The following ANKFN1 variants were observed in gnomAD, a reference collection of about 807,000 sequenced individuals.
ANKFN1 encodes the protein ankyrin repeat and fibronectin type III domain containing 1, also known as ankyrin repeat and fibronectin type-III domain-containing protein 1.
In ANKFN1, 74 loss-of-function variants were observed where a neutral mutation model predicts 108.7. The ratio of observed to expected loss-of-function variants is 0.68; its 90% CI spans 0.56 to 0.83. The LOEUF (loss-of-function observed/expected upper bound fraction) is 0.83, where lower values mean the gene tolerates loss of function less well. ANKFN1 is among the 40% of genes least tolerant of loss of function. The pLI is 0.00. For synonymous variants in ANKFN1, 547 were observed against 516.2 expected (o/e 1.06, Z -0.81); for missense variants, 1,505 against 1,382.3 (o/e 1.09, Z -1.41).
At chr17:56,057,776 C>T (rs1405612430) in intron 4 of ANKFN1, among the ~76,000 whole-genome samples, 1 of 92,064 alleles carries the variant, frequency 1.1e-5, no homozygotes, top group Non-Finnish European at 2.3e-5. Flanking sequence ...CAGAGTGAAA[C>T]TCTGTCTCAA....
At chr17:56,110,588 TTGAA>T (rs1206448098) in intron 4 of ANKFN1, among the ~76,000 whole-genome samples, 3 of 90,818 alleles carry the variant, frequency 3.3e-5, no homozygotes, top group Non-Finnish European at 6.5e-5. Context: ...TATAGATTGA[TTGAA>T]TGAATGAATG....
chr17:56,315,239 TTCTC>T (rs148842608), intron 3 of ANKFN1, among the ~76,000 whole-genome samples: 4 of 151,746 alleles, frequency 2.6e-5, no homozygotes, highest in African/African-American at 4.8e-5. Context: ...GCATGATTCA[TTCTC>T]TCTCTCTCTC....
At chr17:56,467,791 GA>G (rs11414270) in intron 15 of ANKFN1, among the ~76,000 whole-genome samples, 786 of 55,014 alleles carry the variant, frequency 0.014, 26 homozygotes, top group African/African-American at 0.04. Flanking sequence ...AAGAAAGAAA[GA>G]AGAAAGAAAG....
At chr17:56,096,090 A>T (rs1374800162) in intron 4 of ANKFN1, among the ~76,000 whole-genome samples, 1 of 152,182 alleles carries the variant, frequency 6.6e-6, no homozygotes, top group East Asian at 1.9e-4. Flanking sequence ...GTTAGCACTA[A>T]ATTAAAGAGA....
intron 3 of ANKFN1, chr17:56,258,078 A>G (rs2144102277): frequency 6.6e-6 from 1 of 152,384 alleles, no homozygotes; most frequent in East Asian, 1.9e-4. Flanking sequence ...AGCCAGAGTA[A>G]GAAGAGCTGG....
intron 3 of ANKFN1, among the ~76,000 whole-genome samples, chr17:56,314,982 T>A (rs576461630): frequency 6.6e-6 from 1 of 152,352 alleles, no homozygotes; most frequent in South Asian, 2.1e-4. Flanking sequence ...AGATGTATTC[T>A]CAGTCTCAAC....
At chr17:56,173,009 A>G (rs1329313949) in intron 1 of ANKFN1, among the ~76,000 whole-genome samples, 1 of 152,224 alleles carries the variant, frequency 6.6e-6, no homozygotes, top group Admixed American at 6.5e-5. Context: ...GCAGGCTGAG[A>G]GCAAGAATGC....
At chr17:56,163,473 C>T (rs1049207369) in intron 1 of ANKFN1, among the ~76,000 whole-genome samples, 3 of 152,190 alleles carry the variant, frequency 2.0e-5, no homozygotes, top group African/African-American at 7.2e-5. Context: ...TTCCAGCTCC[C>T]CTGGTTTATA....
chr17:56,502,882 C>A (rs773455577), intron 20 of ANKFN1, among the ~76,000 whole-genome samples: 2 of 152,162 alleles, frequency 1.3e-5, no homozygotes, highest in African/African-American at 2.4e-5. Flanking sequence ...TTGTGTATAT[C>A]TTTTGGGAGT....
chr17:56,360,051 A>G (rs931456734), intron 6 of ANKFN1, among the ~76,000 whole-genome samples: 14 of 152,322 alleles, frequency 9.2e-5, no homozygotes, highest in Middle Eastern at 6.8e-3. Context: ...CTGAAATCAA[A>G]TCCACCCTCA....
intron 11 of ANKFN1, among the ~76,000 whole-genome samples, chr17:56,451,357 C>A (rs1470043930): frequency 1.3e-5 from 2 of 152,034 alleles, no homozygotes; most frequent in Non-Finnish European, 2.9e-5. Context: ...CTCATACACA[C>A]ACAAAAAGAA....
chr17:56,156,451 A>G (rs1909128967), intron 1 of ANKFN1: 1 of 152,230 alleles, frequency 6.6e-6, no homozygotes, highest in South Asian at 2.1e-4. Context: ...AGATGAAAGC[A>G]GAGAGATTAC....
At chr17:56,061,940 C>T (rs1404117032) in intron 4 of ANKFN1, among the ~76,000 whole-genome samples, 1 of 152,152 alleles carries the variant, frequency 6.6e-6, no homozygotes, top group African/African-American at 2.4e-5. Context: ...CCTCTTTGTT[C>T]TCATTGTTTC....
At chr17:56,323,897 G>A (rs1007925461) in intron 3 of ANKFN1, among the ~76,000 whole-genome samples, 6 of 152,252 alleles carry the variant, frequency 3.9e-5, no homozygotes, top group Middle Eastern at 3.4e-3. Context: ...TAAAATATAA[G>A]GGATATAATG....
intron 8 of ANKFN1, among the ~76,000 whole-genome samples, chr17:56,435,646 A>G (rs547983153): frequency 7.6e-4 from 115 of 152,298 alleles, no homozygotes; most frequent in Middle Eastern, 3.4e-3. Flanking sequence ...TGTAACTTTT[A>G]CAGTATATTC....
chr17:56,324,025 G>A (rs1268252000), intron 3 of ANKFN1, among the ~76,000 whole-genome samples: 1 of 152,170 alleles, frequency 6.6e-6, no homozygotes, highest in Non-Finnish European at 1.5e-5. Context: ...GGCTGTACGG[G>A]AGTTAGCCAG....
intron 8 of ANKFN1, among the ~76,000 whole-genome samples, chr17:56,422,770 A>G (rs1443376122): frequency 1.3e-5 from 2 of 152,230 alleles, no homozygotes; most frequent in African/African-American, 4.8e-5. Context: ...ACCCAATGCT[A>G]AAAATGTTTT....
intron 3 of ANKFN1, among the ~76,000 whole-genome samples, chr17:56,285,835 AATG>A (rs57493010): frequency 0.34 from 50,719 of 150,010 alleles, 8,843 homozygotes; most frequent in Middle Eastern, 0.6. Context: ...CCTGTCAGAC[AATG>A]ATGATGATGA....
chr17:56,107,805 C>T (rs958101140), intron 4 of ANKFN1, among the ~76,000 whole-genome samples: 4 of 152,298 alleles, frequency 2.6e-5, no homozygotes, highest in African/African-American at 9.6e-5. Context: ...GAACTTCCTG[C>T]CCTCAAACGC....
Sources: gnomAD v4.1 joint callset for allele counts (sites outside exome capture counted in the v4.1 genomes callset) on GRCh38, gnomAD v4.1.1 for gene constraint, MANE v1.5 for transcripts, NCBI Gene and HGNC (gene_info 2026-07-23, HGNC 2026-07-21) for gene names.